The following CCSER1 variants were observed in gnomAD, a reference collection of about 807,000 sequenced individuals.
CCSER1 encodes the protein coiled-coil serine rich protein 1.
A neutral mutation model predicts 82.0 loss-of-function variants in CCSER1; 41 were observed. That is an observed-to-expected ratio of 0.50 (90% CI 0.39 to 0.65). CCSER1 has a LOEUF of 0.65. Among genes scored for constraint, CCSER1 ranks in the 30% least tolerant of loss-of-function variants. The pLI, the probability that CCSER1 is intolerant of heterozygous loss-of-function variation, is 0.00. For missense variants in CCSER1, 1,119 were observed against 1,064.2 expected (o/e 1.05, Z -0.72); for synonymous variants, 414 against 383.9 (o/e 1.08, Z -0.92).
At chr4:91,166,242 T>G (rs1022955938) in intron 10 of CCSER1, among the ~76,000 whole-genome samples, 7 of 152,334 alleles carry the variant, frequency 4.6e-5, no homozygotes, top group Non-Finnish European at 7.3e-5. Flanking sequence ...ATTACTAAAT[T>G]TTTAAAAATC....
intron 10 of CCSER1, among the ~76,000 whole-genome samples, chr4:91,181,596 T>C (rs184748280): frequency 6.6e-6 from 1 of 152,304 alleles, no homozygotes; most frequent in East Asian, 1.9e-4. Flanking sequence ...CATCTGACCA[T>C]TTTTCTCAGA....
At chr4:90,272,477 A>G (rs562000222) in intron 1 of CCSER1, among the ~76,000 whole-genome samples, 83 of 152,298 alleles carry the variant, frequency 5.4e-4, no homozygotes, top group African/African-American at 1.9e-3. Context: ...AATTAATACA[A>G]CCACTATTGA....
At chr4:90,376,617 G>GA (rs1446313250) in intron 3 of CCSER1, among the ~76,000 whole-genome samples, 1 of 152,128 alleles carries the variant, frequency 6.6e-6, no homozygotes, top group Non-Finnish European at 1.5e-5. Flanking sequence ...ATTTCTACAA[G>GA]TCAGTCTCTT....
chr4:90,739,166 T>C (rs1746130402), intron 7 of CCSER1, among the ~76,000 whole-genome samples: 1 of 152,194 alleles, frequency 6.6e-6, no homozygotes, highest in Non-Finnish European at 1.5e-5. Flanking sequence ...GCCCAAGGGC[T>C]GTTTAGTCAG....
At chr4:90,615,082 C>T (rs1461068303) in intron 5 of CCSER1, among the ~76,000 whole-genome samples, 1 of 152,170 alleles carries the variant, frequency 6.6e-6, no homozygotes, top group Non-Finnish European at 1.5e-5. Flanking sequence ...GCATAGATGA[C>T]AACACATCTG....
At chr4:90,912,222 C>A (rs532067047) in intron 8 of CCSER1, among the ~76,000 whole-genome samples, 6 of 152,312 alleles carry the variant, frequency 3.9e-5, no homozygotes, top group African/African-American at 1.4e-4. Context: ...AACTGGGAGG[C>A]TAATTATGTG....
At chr4:91,325,186 A>G in intron 10 of CCSER1, 1 of 456,156 alleles carries the variant, frequency 2.2e-6, no homozygotes, top group Non-Finnish European at 4.4e-6. Flanking sequence ...TTTCACCAGC[A>G]TAGTAGGTGG....
At chr4:91,447,494 T>A (rs13139326) in intron 10 of CCSER1, among the ~76,000 whole-genome samples, 1 of 151,872 alleles carries the variant, frequency 6.6e-6, no homozygotes. Context: ...TCCTTCTCCA[T>A]GTACCTATCA....
chr4:91,001,497 CTTCTTCTT>C (rs1175874716), intron 9 of CCSER1, among the ~76,000 whole-genome samples: 3 of 152,066 alleles, frequency 2.0e-5, no homozygotes, highest in Admixed American at 6.6e-5. Context: ...ATCTTTTCCT[CTTCTTCTT>C]TTCTTCTGAC....
intron 10 of CCSER1, among the ~76,000 whole-genome samples, chr4:91,464,697 T>G (rs1005015209): frequency 6.6e-6 from 1 of 152,100 alleles, no homozygotes. Context: ...ATGGCAGGAC[T>G]TGCAATCCTA....
intron 6 of CCSER1, among the ~76,000 whole-genome samples, chr4:90,635,334 A>T (rs543657487): frequency 2.0e-4 from 31 of 151,708 alleles, no homozygotes; most frequent in Non-Finnish European, 4.4e-4. Context: ...GTCCCATTAA[A>T]TTTAAAAGGT....
At chr4:90,303,349 C>T (rs1045610555) in intron 1 of CCSER1, among the ~76,000 whole-genome samples, 18 of 152,228 alleles carry the variant, frequency 1.2e-4, no homozygotes, top group Admixed American at 7.2e-4. Flanking sequence ...CCAAGTCAAT[C>T]CTAAGCCAAA....
At chr4:90,165,687 A>G (rs1730325847) in intron 1 of CCSER1, among the ~76,000 whole-genome samples, 1 of 152,066 alleles carries the variant, frequency 6.6e-6, no homozygotes, top group Non-Finnish European at 1.5e-5. Flanking sequence ...CACATGTCAT[A>G]CATACTAAGA....
At chr4:91,110,870 T>TATTTA (rs10667479) in intron 10 of CCSER1, among the ~76,000 whole-genome samples, 15,133 of 151,870 alleles carry the variant, frequency 0.1, 966 homozygotes, top group East Asian at 0.27. Flanking sequence ...GCCTTTCATA[T>TATTTA]ATTATATTTT....
At chr4:91,172,064 T>A (rs1464852010) in intron 10 of CCSER1, among the ~76,000 whole-genome samples, 1 of 152,112 alleles carries the variant, frequency 6.6e-6, no homozygotes, top group East Asian at 1.9e-4. Flanking sequence ...GTTTTACCTT[T>A]TATAAAAGCC....
intron 4 of CCSER1, among the ~76,000 whole-genome samples, chr4:90,440,328 T>C (rs1759685368): frequency 6.6e-6 from 1 of 152,186 alleles, no homozygotes; most frequent in Non-Finnish European, 1.5e-5. Flanking sequence ...TAAATTTCTG[T>C]GTAAACATGT....
intron 4 of CCSER1, among the ~76,000 whole-genome samples, chr4:90,410,279 A>T (rs1321681789): frequency 2.0e-5 from 3 of 152,188 alleles, no homozygotes; most frequent in Non-Finnish European, 4.4e-5. Flanking sequence ...CACCAAGTGG[A>T]CCTAATAGTC....
intron 5 of CCSER1, among the ~76,000 whole-genome samples, chr4:90,603,672 G>A (rs1446466633): frequency 6.6e-6 from 1 of 152,118 alleles, no homozygotes; most frequent in African/African-American, 2.4e-5. Flanking sequence ...TGGCACATGT[G>A]GGAGGATTTC....
At chr4:91,213,821 T>A (rs376628572) in intron 10 of CCSER1, among the ~76,000 whole-genome samples, 15 of 152,098 alleles carry the variant, frequency 9.9e-5, no homozygotes, top group East Asian at 3.9e-4. Context: ...CACTGGTGGG[T>A]TGGTATGTCA....
Sources: allele counts gnomAD v4.1 joint callset (sites outside exome capture counted in the v4.1 genomes callset), GRCh38; gene constraint gnomAD v4.1.1; transcripts MANE v1.5; gene names NCBI Gene and HGNC (gene_info 2026-07-23, HGNC 2026-07-21).